The following VPS13A variants were observed in gnomAD, a reference collection of about 807,000 sequenced individuals.
VPS13A encodes the protein intermembrane lipid transfer protein VPS13A.
A neutral mutation model predicts 390.9 loss-of-function variants in VPS13A; 264 were observed. The ratio of observed to expected loss-of-function variants is 0.68; its 90% CI spans 0.61 to 0.75. VPS13A has a LOEUF of 0.75. VPS13A is among the 30% of genes least tolerant of loss of function. The pLI is 0.00. For synonymous variants in VPS13A, 1,231 were observed against 1,227.1 expected (o/e 1.00, Z -0.07); for missense variants, 3,409 against 3,733.9 (o/e 0.91, Z 2.27).
chr9:77,197,500 C>A (rs973461411), intron 1 of VPS13A, among the ~76,000 whole-genome samples: 1 of 152,028 alleles, frequency 6.6e-6, no homozygotes, highest in Non-Finnish European at 1.5e-5. Flanking sequence ...TCGGTTTTAT[C>A]ATTATATAAT....
At chr9:77,282,398 T>C (rs1342151176) in intron 29 of VPS13A, 124 bp downstream of exon 29, 1 of 873,248 alleles carries the variant, frequency 1.1e-6, no homozygotes, top group East Asian at 2.7e-5. Context: ...CCTAGGTTAA[T>C]ATCTAGAAGG....
chr9:77,276,009 A>T (rs966140608), intron 25 of VPS13A, 56 bp from the exon 26 acceptor site: 1 of 1,563,438 alleles, frequency 6.4e-7, no homozygotes, highest in African/African-American at 1.4e-5. Context: ...ACCACTATGC[A>T]CATAAACATG....
At chr9:77,226,412 C>A in intron 14 of VPS13A, 54 bp from the exon 15 acceptor site, 2 of 1,503,156 alleles carry the variant, frequency 1.3e-6, no homozygotes, top group Non-Finnish European at 1.8e-6. Context: ...ATATTTGTTT[C>A]AGTTGCTAAA....
At chr9:77,182,218 C>G (rs537747527) in intron 1 of VPS13A, among the ~76,000 whole-genome samples, 2 of 152,142 alleles carry the variant, frequency 1.3e-5, no homozygotes, top group African/African-American at 2.4e-5. Flanking sequence ...CTCAGCCTCC[C>G]GAGTAGCTGG....
At chr9:77,398,381 G>T (rs1221505450) in intron 68 of VPS13A, among the ~76,000 whole-genome samples, 2 of 152,110 alleles carry the variant, frequency 1.3e-5, no homozygotes, top group East Asian at 3.9e-4. Flanking sequence ...TCACTTAGAT[G>T]TACTCTTACC....
In VPS13A at chr9:77,283,403, C is replaced by T. The variant is rs1335180832; in HGVS notation, c.3167C>T (p.Ala1056Val). 1 of 1,607,920 alleles carries T rather than the reference C, an allele frequency of 6.2e-7. No homozygotes were observed. Among genetic ancestry groups the T allele is most frequent in the Non-Finnish European group, 8.5e-7 (1 of 1,175,302 alleles). ...GATATCATTACTTTGCAGATTTTAG[C>T]AGAATTATCGTGTTTACAGATCTTT... ...NEDIITLQIL[A>V]ELSCLQIFIQ... Residue 1056 changes from alanine to valine, a missense_variant, in exon 30 of 72, where the codon GCA becomes GTA. This residue lies in a region of VPS13A where 2,717 missense variants were observed against 2,917.4 expected (regional missense o/e 0.93). Coordinates refer to ENST00000360280, the MANE Select transcript of VPS13A (RefSeq NM_033305.3).
rs372993308 is a variant in VPS13A, at chr9:77,196,259, A to G, written c.101-3686A>G. Among the ~76,000 whole-genome samples, 46 of 152,308 alleles carry G rather than the reference A, an allele frequency of 3.0e-4. 1 individual carries two copies. The South Asian group carries it at 9.5e-3, about 32-fold the overall frequency. On this transcript the variant is annotated intron_variant, in intron 1 of 71. Coordinates refer to ENST00000360280, the MANE Select transcript of VPS13A (RefSeq NM_033305.3). ...TACAGGGTGATGTTTCAATACATGT[A>G]TACATTGTATAAAAATCAAATTGGT...
At chr9:77,384,354 T>TC (rs1833591022) in intron 68 of VPS13A, among the ~76,000 whole-genome samples, 1 of 151,930 alleles carries the variant, frequency 6.6e-6, no homozygotes, top group African/African-American at 2.4e-5. Context: ...AATACCTTAT[T>TC]GATATCATCA....
chr9:77,351,477 C>T, intron 53 of VPS13A, 31 bp downstream of exon 53: 2 of 1,609,066 alleles, frequency 1.2e-6, no homozygotes, highest in Non-Finnish European at 1.7e-6. Context: ...GTGTTCCCAG[C>T]AGCCTTTTTT....
In VPS13A at chr9:77,225,906, T is replaced by G. The variant is rs1823478925; in HGVS notation, c.1162-20T>G. 1 of 1,585,246 alleles carries G rather than the reference T, an allele frequency of 6.3e-7. No homozygotes were observed. The highest frequency in any genetic ancestry group is 1.3e-5 in the African/African-American group (1 of 74,280). On this transcript the variant is annotated intron_variant, in intron 13 of 71. Transcript: ENST00000360280. ...AAGTTATTTTTGTAAAGTTAACACA[T>G]TTTTGTTTATATTTTTCAGGAGTTG...
chr9:77,212,350 T>C (rs1247993505), intron 7 of VPS13A, among the ~76,000 whole-genome samples: 1 of 152,200 alleles, frequency 6.6e-6, no homozygotes, highest in Non-Finnish European at 1.5e-5. Flanking sequence ...TTGTGTACTT[T>C]TGGGCTCTGC....
At chr9:77,387,115 T>C (rs1042187680) in intron 68 of VPS13A, among the ~76,000 whole-genome samples, 5 of 147,354 alleles carry the variant, frequency 3.4e-5, no homozygotes, top group African/African-American at 1.2e-4. Context: ...GAAAAAAAAC[T>C]TGAATTTTTC....
chr9:77,389,568 G>A (rs895084187), intron 68 of VPS13A: 3 of 152,268 alleles, frequency 2.0e-5, no homozygotes, highest in South Asian at 4.1e-4. Flanking sequence ...GCCTCCCAAA[G>A]TGTTGGGATT....
chr9:77,348,770 A>G (rs1831303865), intron 52 of VPS13A, among the ~76,000 whole-genome samples: 1 of 152,182 alleles, frequency 6.6e-6, no homozygotes, highest in Admixed American at 6.5e-5. Flanking sequence ...AGACATGTAC[A>G]CACAGATAGT....
chr9:77,323,151 G>A lies in VPS13A; in HGVS notation c.5915G>A (p.Gly1972Asp). The A allele has an allele frequency of 6.2e-7, 1 of 1,613,556 alleles. No individual in the cohort carries two copies. The highest frequency in any genetic ancestry group is 1.1e-5 in the South Asian group (1 of 91,068). The stretch of plus-strand genomic sequence containing the variant: ...TACACTGTAAGACACAGAGAGTCTG[G>A]CGTTGAAAGATCTATTGTTTGTCAA... ...RLYTVRHRES[G>D]VERSIVCQID... The change falls in exon 45 of 72, where the codon GGC (glycine) becomes GAC (aspartate). Residue 1972 changes from glycine (G) to aspartate (D), a missense_variant. Gly to Asp is a moderately conservative substitution (Grantham distance 94). This residue lies in a region of VPS13A where 2,717 missense variants were observed against 2,917.4 expected (regional missense o/e 0.93). Transcript: ENST00000360280.
rs1830742748 is a variant in VPS13A at position 77,340,273 on chromosome 9, G to T, written c.6870G>T (p.Met2290Ile). ...HGAVKCKGLKMDYQVGVTIDL... is the reference protein window; with the variant it reads ...HGAVKCKGLKIDYQVGVTIDL... ...CTGTTAAATGTAAAGGCCTGAAAAT[G>T]GACTATCAAGTGAGTTCATTCTATG... is the stretch of plus-strand genomic sequence containing the variant. The change falls in exon 49 of 72, where the codon ATG becomes ATT. Residue 2290 changes from methionine (M) to isoleucine (I), a missense_variant. By Grantham distance (10) the Met-to-Ile change is conservative. Transcript: ENST00000360280. 1 of 1,612,656 alleles carries T rather than the reference G, an allele frequency of 6.2e-7. No individual in the cohort carries two copies. Among genetic ancestry groups the T allele is most frequent in the African/African-American group, 1.3e-5 (1 of 74,818 alleles).
At chr9:77,229,642 A>G (rs901188672) in intron 17 of VPS13A, among the ~76,000 whole-genome samples, 1 of 152,160 alleles carries the variant, frequency 6.6e-6, no homozygotes, top group East Asian at 1.9e-4. Flanking sequence ...TCTATTATGG[A>G]CGCATCACGT....
rs556195480 is a variant in VPS13A at position 77,242,211 on chromosome 9, C to T, written c.1900+3825C>T. ...GCCATTTTTATTATATTCACTTTAT[C>T]CTTATTGGTAGATATGAGATATACT... On this transcript the variant is annotated intron_variant, in intron 19 of 71. Coordinates refer to ENST00000360280, the MANE Select transcript of VPS13A (RefSeq NM_033305.3). 2.6e-5 allele frequency among the ~76,000 whole-genome samples: 4 copies of T among 152,128 alleles called. No homozygotes were observed. In the South Asian group the frequency reaches 8.3e-4, roughly 32 times the overall value.
intron 17 of VPS13A, among the ~76,000 whole-genome samples, chr9:77,234,104 G>A (rs569667522): frequency 6.6e-6 from 1 of 152,214 alleles, no homozygotes; most frequent in East Asian, 1.9e-4. Context: ...TTGATGAATT[G>A]AGCCTTTTAA....
Sources: gnomAD v4.1 joint callset for allele counts (sites outside exome capture counted in the v4.1 genomes callset) on GRCh38, gnomAD v4.1.1 for gene constraint, gnomAD v4.1.1 regional missense constraint, MANE v1.5 for transcripts, NCBI Gene and HGNC (gene_info 2026-07-23, HGNC 2026-07-21) for gene names.